The following DISC1 variants were observed in gnomAD, a reference collection of about 807,000 sequenced individuals.
The protein encoded by DISC1 is DISC1 scaffold protein.
Under a neutral mutation model 84.5 loss-of-function variants are expected in DISC1, and 57 were observed. The observed-to-expected ratio is 0.67, with a 90% CI of 0.55 to 0.84. DISC1 has a LOEUF of 0.84. DISC1 is among the 40% of genes least tolerant of loss of function. The pLI is 0.00. For synonymous variants in DISC1, 411 were observed against 415.2 expected (o/e 0.99, Z 0.12); for missense variants, 1,000 against 1,057.8 (o/e 0.95, Z 0.76).
chr1:231,900,457 G>A (rs200005291), intron 9 of DISC1, among the ~76,000 whole-genome samples: 31 of 152,168 alleles, frequency 2.0e-4, no homozygotes, highest in Non-Finnish European at 3.8e-4. Flanking sequence ...AAAACCTTTC[G>A]TTTTTGTCCT....
chr1:231,658,920 GAT>G (rs1558264643), intron 1 of DISC1, among the ~76,000 whole-genome samples: 1 of 152,112 alleles, frequency 6.6e-6, no homozygotes. Context: ...GTTCATTAAG[GAT>G]ATCGGCCTGA....
intron 6 of DISC1, among the ~76,000 whole-genome samples, chr1:231,788,436 C>T (rs912655761): frequency 6.6e-6 from 1 of 152,130 alleles, no homozygotes; most frequent in Non-Finnish European, 1.5e-5. Flanking sequence ...TGCATGTCCC[C>T]GAATCCACAT....
At chr1:231,813,575 G>A (rs1199126510) in intron 8 of DISC1, among the ~76,000 whole-genome samples, 2 of 152,178 alleles carry the variant, frequency 1.3e-5, no homozygotes, top group African/African-American at 4.8e-5. Flanking sequence ...TTTATTTGAG[G>A]TTACTGTTTA....
intron 9 of DISC1, among the ~76,000 whole-genome samples, chr1:231,820,484 G>A (rs753048817): frequency 9.9e-5 from 15 of 152,254 alleles, no homozygotes; most frequent in Middle Eastern, 3.4e-3. Flanking sequence ...TAAGAAATGA[G>A]CAATATGTAG....
chr1:231,700,604 C>T (rs559105485), intron 2 of DISC1, among the ~76,000 whole-genome samples: 90 of 152,162 alleles, frequency 5.9e-4, no homozygotes, highest in Admixed American at 2.7e-3. Context: ...TGTATAGGGC[C>T]GGGGTTGGTT....
chr1:232,033,102 C>T (rs985678622), intron 12 of DISC1, among the ~76,000 whole-genome samples: 1 of 152,176 alleles, frequency 6.6e-6, no homozygotes, highest in Non-Finnish European at 1.5e-5. Context: ...CCAACTTACC[C>T]TGTCTAAAAT....
chr1:231,775,862 G>A lies in DISC1; in HGVS notation c.1634+4792G>A, dbSNP rs1166491893. ...GGTTCTTCTCCCACACGAAACCCAT[G>A]GTTCTTGTTCTACCCCCTGCTGACT... is the stretch of plus-strand genomic sequence containing the variant. On this transcript the variant is annotated intron_variant, in intron 6 of 12. Transcript: ENST00000439617. 2.0e-5 allele frequency among the ~76,000 whole-genome samples: 3 copies of A among 152,074 alleles called. No individual in the cohort carries two copies. In the East Asian group the frequency reaches 5.8e-4, roughly 29 times the overall value.
chr1:231,681,732 G>C (rs2063717035), intron 1 of DISC1, among the ~76,000 whole-genome samples: 1 of 151,790 alleles, frequency 6.6e-6, no homozygotes, highest in East Asian at 1.9e-4. Context: ...TTTTACTCTT[G>C]TTGCCCAGGC....
At position 231,750,007 on chromosome 1, in the gene DISC1, C is replaced by G. The variant is rs757885480; in HGVS notation, c.1199C>G (p.Ala400Gly). The G allele has an allele frequency of 6.2e-7, 1 of 1,614,228 alleles. No individual in the cohort carries two copies. Among genetic ancestry groups the G allele is most frequent in the Non-Finnish European group, 8.5e-7 (1 of 1,180,042 alleles). The stretch of plus-strand genomic sequence containing the variant: ...TTTCAACTTCCTTCAAGGCAGCCAG[C>G]TCTTAGCAGTTTCCTGGGTCACCTG... ...LHFQLPSRQP[A>G]LSSFLGHLAA... Residue 400 changes from alanine (A) to glycine (G), a missense_variant, in exon 4 of 13, where the codon GCT (alanine) becomes GGT (glycine). Around this residue, in one of 3 missense-constraint regions of DISC1, gnomAD observed 311 missense variants for 400.1 expected, o/e 0.78. Coordinates refer to ENST00000439617, the MANE Select transcript of DISC1 (RefSeq NM_018662.3).
intron 1 of DISC1, among the ~76,000 whole-genome samples, chr1:231,651,722 G>A (rs910542271): frequency 2.6e-5 from 4 of 152,252 alleles, no homozygotes; most frequent in Admixed American, 6.5e-5. Context: ...GCAGGCCTTG[G>A]AGAGCTGCGG....
chr1:231,924,948 G>A (rs1293208710), intron 9 of DISC1, among the ~76,000 whole-genome samples: 8 of 137,916 alleles, frequency 5.8e-5, no homozygotes, highest in Non-Finnish European at 1.1e-4. Context: ...GAGTCACTGC[G>A]CCCGGCCTTT....
intron 9 of DISC1, among the ~76,000 whole-genome samples, chr1:231,926,531 G>A (rs2090368095): frequency 6.6e-6 from 1 of 152,294 alleles, no homozygotes; most frequent in South Asian, 2.1e-4. Flanking sequence ...ATCTAGAGAT[G>A]TAGCTGTTGT....
intron 9 of DISC1, among the ~76,000 whole-genome samples, chr1:231,878,572 G>A (rs61836980): frequency 0.38 from 58,225 of 152,032 alleles, 11,376 homozygotes; most frequent in East Asian, 0.51. Context: ...AGCAAGTGAA[G>A]GACTTTCATC....
chr1:231,822,075 T>C (rs1418733316), intron 9 of DISC1, among the ~76,000 whole-genome samples: 7 of 152,176 alleles, frequency 4.6e-5, no homozygotes, highest in African/African-American at 1.7e-4. Flanking sequence ...TGTGTATAAA[T>C]TGGTAATCTG....
At chr1:231,751,179 G>A (rs183891198) in intron 4 of DISC1, among the ~76,000 whole-genome samples, 211 of 152,184 alleles carry the variant, frequency 1.4e-3, no homozygotes, top group African/African-American at 4.8e-3. Context: ...GCAACATTGC[G>A]TGTTCCTCTT....
chr1:231,968,501 A>C (rs933938100), intron 10 of DISC1, among the ~76,000 whole-genome samples: 2 of 150,348 alleles, frequency 1.3e-5, no homozygotes, highest in Non-Finnish European at 3.0e-5. Flanking sequence ...CTGAGGCAGG[A>C]GAATGGCGTG....
At chr1:231,837,535 G>A (rs1420545111) in intron 9 of DISC1, among the ~76,000 whole-genome samples, 1 of 152,126 alleles carries the variant, frequency 6.6e-6, no homozygotes, top group Non-Finnish European at 1.5e-5. Flanking sequence ...GGTCCCCAAA[G>A]CACTGAATAA....
At chr1:231,817,396 T>G (rs1308143652) in intron 8 of DISC1, among the ~76,000 whole-genome samples, 1 of 152,160 alleles carries the variant, frequency 6.6e-6, no homozygotes, top group Non-Finnish European at 1.5e-5. Context: ...CTCTTAGACG[T>G]TTTAGAATAA....
intron 6 of DISC1, among the ~76,000 whole-genome samples, chr1:231,783,967 A>G (rs763214990): frequency 1.4e-4 from 22 of 152,166 alleles, no homozygotes; most frequent in Non-Finnish European, 4.4e-5. Context: ...TCATGGTCTT[A>G]TAAAATGTGA....
Sources: allele counts gnomAD v4.1 joint callset (sites outside exome capture counted in the v4.1 genomes callset), GRCh38; gene constraint gnomAD v4.1.1; regional missense constraint gnomAD v4.1.1; transcripts MANE v1.5; gene names NCBI Gene and HGNC (gene_info 2026-07-23, HGNC 2026-07-21).